KDM4C: variants seen among roughly 807,000 people sequenced by gnomAD.
KDM4C encodes lysine demethylase 4C.
In KDM4C, 81 loss-of-function variants were observed where a neutral mutation model predicts 129.3. That is an observed-to-expected ratio of 0.63 (90% CI 0.52 to 0.75). The LOEUF is 0.75. Among genes scored for constraint, KDM4C ranks in the 30% least tolerant of loss-of-function variants. The pLI, the probability that KDM4C is intolerant of heterozygous loss-of-function variation, is 0.00. For missense variants in KDM4C, 1,457 were observed against 1,304.0 expected (o/e 1.12, Z -1.81); for synonymous variants, 573 against 456.1 (o/e 1.26, Z -3.26).
At chr9:7,024,253 T>C (rs12341103) in intron 15 of KDM4C, among the ~76,000 whole-genome samples, 12,173 of 151,436 alleles carry the variant, frequency 0.08, 856 homozygotes, top group African/African-American at 0.18. Flanking sequence ...TGTTATTGTA[T>C]TGGAGTCTAT....
intron 18 of KDM4C, among the ~76,000 whole-genome samples, chr9:7,125,506 G>C (rs1174364120): frequency 2.0e-5 from 3 of 152,198 alleles, no homozygotes; most frequent in Admixed American, 6.5e-5. Flanking sequence ...TGACTGTTGA[G>C]GAAATTAGTG....
At chr9:6,856,550 G>GTA (rs1554721085) in intron 5 of KDM4C, among the ~76,000 whole-genome samples, 1 of 135,468 alleles carries the variant, frequency 7.4e-6, no homozygotes, top group Non-Finnish European at 1.6e-5. Flanking sequence ...GTGTGTGTGT[G>GTA]TGTGTGTGTG....
intron 8 of KDM4C, among the ~76,000 whole-genome samples, chr9:6,940,971 A>G (rs1369527563): frequency 1.3e-5 from 2 of 151,950 alleles, no homozygotes; most frequent in African/African-American, 2.4e-5. Flanking sequence ...TAATAATGCA[A>G]CCTCAAAATA....
intron 1 of KDM4C, among the ~76,000 whole-genome samples, chr9:6,783,718 T>C (rs1824860724): frequency 6.6e-6 from 1 of 152,212 alleles, no homozygotes; most frequent in Non-Finnish European, 1.5e-5. Flanking sequence ...GGAGAGGCTT[T>C]TCTGGTTTCA....
At chr9:6,861,756 T>G (rs1446620505) in intron 5 of KDM4C, among the ~76,000 whole-genome samples, 2 of 152,084 alleles carry the variant, frequency 1.3e-5, no homozygotes, top group Non-Finnish European at 2.9e-5. Flanking sequence ...AAAGTTACTT[T>G]ACAATATATA....
At chr9:6,908,796 A>G (rs1405039703) in intron 8 of KDM4C, among the ~76,000 whole-genome samples, 2 of 152,228 alleles carry the variant, frequency 1.3e-5, no homozygotes, top group Non-Finnish European at 2.9e-5. Context: ...AGGTAATATC[A>G]TCTTGGGCAA....
At chr9:6,786,989 A>G (rs1466108168) in intron 1 of KDM4C, among the ~76,000 whole-genome samples, 2 of 152,192 alleles carry the variant, frequency 1.3e-5, no homozygotes, top group African/African-American at 4.8e-5. Flanking sequence ...TGATTATCCT[A>G]TATTAACTTC....
chr9:6,783,752 A>C (rs2130788734), intron 1 of KDM4C, among the ~76,000 whole-genome samples: 1 of 152,316 alleles, frequency 6.6e-6, no homozygotes, highest in Middle Eastern at 3.4e-3. Context: ...GGTTGGTAAG[A>C]GGACTAAAAA....
chr9:6,862,807 AAAACAAACAAAC>A (rs367828705), intron 5 of KDM4C, among the ~76,000 whole-genome samples: 73 of 150,780 alleles, frequency 4.8e-4, no homozygotes, highest in South Asian at 1.3e-3. Flanking sequence ...ACTTTGTCTC[AAAACAAACAAAC>A]AAACAAACAA....
intron 18 of KDM4C, 62 bp downstream of exon 18, chr9:7,103,932 C>G: frequency 1.4e-6 from 2 of 1,430,678 alleles, no homozygotes; most frequent in Non-Finnish European, 2.0e-6. Flanking sequence ...CTGTTTTAGA[C>G]TACCTCCCAG....
chr9:6,841,508 A>G (rs762444972), intron 4 of KDM4C, among the ~76,000 whole-genome samples: 12 of 152,202 alleles, frequency 7.9e-5, no homozygotes, highest in Non-Finnish European at 1.5e-4. Flanking sequence ...TAAAAATATG[A>G]TTAGTAATAA....
intron 8 of KDM4C, among the ~76,000 whole-genome samples, chr9:6,935,575 G>A (rs1011558781): frequency 2.1e-5 from 3 of 145,082 alleles, no homozygotes; most frequent in East Asian, 2.0e-4. Context: ...GCGCCACCAC[G>A]CCCGGCTAAT....
chr9:6,806,884 C>CTCCGTCTCCGTCTCCG, intron 3 of KDM4C, among the ~76,000 whole-genome samples: 1 of 66,368 alleles, frequency 1.5e-5, no homozygotes, highest in African/African-American at 5.8e-5. Flanking sequence ...CTCCGTCTCC[C>CTCCGTCTCCGTCTCCG]TCTCCCTCTC....
chr9:7,070,338 C>T (rs147461930), intron 17 of KDM4C, among the ~76,000 whole-genome samples: 1 of 152,036 alleles, frequency 6.6e-6, no homozygotes, highest in Non-Finnish European at 1.5e-5. Context: ...GCAGTTCTAC[C>T]TAAACACTTT....
chr9:7,016,519 C>A (rs1823725496), intron 15 of KDM4C, among the ~76,000 whole-genome samples: 1 of 150,830 alleles, frequency 6.6e-6, no homozygotes, highest in South Asian at 2.1e-4. Flanking sequence ...CTCCGCCTCC[C>A]AGGTTAAGCA....
At chr9:6,979,472 A>G (rs973650135) in intron 8 of KDM4C, among the ~76,000 whole-genome samples, 3 of 152,194 alleles carry the variant, frequency 2.0e-5, no homozygotes, top group Non-Finnish European at 4.4e-5. Flanking sequence ...CTTGGGTTGA[A>G]GAGGAATATA....
chr9:6,739,457 T>G (rs560954942), intron 1 of KDM4C, among the ~76,000 whole-genome samples: 1 of 152,210 alleles, frequency 6.6e-6, no homozygotes. Flanking sequence ...GACAAATCAC[T>G]GGACACAATC....
intron 19 of KDM4C, among the ~76,000 whole-genome samples, chr9:7,164,353 A>AAAC (rs1385208607): frequency 6.6e-6 from 1 of 151,916 alleles, no homozygotes; most frequent in Non-Finnish European, 1.5e-5. Context: ...CACGCCTTAA[A>AAAC]AAAACAAAAA....
At chr9:7,077,372 AAATAG>A in intron 17 of KDM4C, 1 of 233,136 alleles carries the variant, frequency 4.3e-6, no homozygotes, top group Non-Finnish European at 7.0e-6. Context: ...AGTAAATATG[AAATAG>A]AATAGCATGC....
Sources: allele counts gnomAD v4.1 joint callset (sites outside exome capture counted in the v4.1 genomes callset), GRCh38; gene constraint gnomAD v4.1.1; transcripts MANE v1.5; gene names NCBI Gene and HGNC (gene_info 2026-07-23, HGNC 2026-07-21).